Variants in EBF1 observed in about 807,000 individuals in gnomAD.
EBF1 encodes transcription factor COE1.
EBF1 carries 10 observed loss-of-function variants against 68.4 expected under a neutral mutation model. The observed-to-expected ratio is 0.15, with a 90% confidence interval of 0.09 to 0.25. The LOEUF is 0.25. EBF1 is among the 10% of genes least tolerant of loss of function. The pLI is 1.00. For missense variants in EBF1, 509 were observed against 794.4 expected (o/e 0.64, Z 4.32); for synonymous variants, 298 against 299.8 (o/e 0.99, Z 0.06).
chr5:158,787,992 AAC>A (rs1777800798), intron 9 of EBF1, among the ~76,000 whole-genome samples: 1 of 152,106 alleles, frequency 6.6e-6, no homozygotes, highest in Admixed American at 6.6e-5. Context: ...TGTCAACTAC[AAC>A]AGTTGCTATT....
chr5:158,900,479 T>C (rs567968607), intron 6 of EBF1, among the ~76,000 whole-genome samples: 1 of 152,338 alleles, frequency 6.6e-6, no homozygotes, highest in South Asian at 2.1e-4. Flanking sequence ...GCAGTTCTGA[T>C]TTGGTAACGA....
At chr5:159,049,378 G>A (rs62385432) in intron 6 of EBF1, among the ~76,000 whole-genome samples, 5,603 of 152,224 alleles carry the variant, frequency 0.037, 146 homozygotes, top group Non-Finnish European at 0.053. Flanking sequence ...GAGCTTGTGA[G>A]ATTCTTAAAA....
At position 158,746,092 on chromosome 5, in the gene EBF1, C is replaced by T. The variant is rs117279913; in HGVS notation, c.1037-14935G>A. 5.1e-4 allele frequency among the ~76,000 whole-genome samples: 77 copies of T among 152,184 alleles called. No individual in the cohort carries two copies. The East Asian group carries it at 0.014, about 27-fold the overall frequency. ...GTTATTTCCAGCTTGGGGGAAGACT[C>T]GTGGTTAATATTTCTGTTTAGCTTG... On this transcript the variant is annotated intron_variant, in intron 10 of 15. Transcript: ENST00000313708.
At chr5:158,731,767 C>A (rs1297754798) in intron 10 of EBF1, among the ~76,000 whole-genome samples, 2 of 152,160 alleles carry the variant, frequency 1.3e-5, no homozygotes, top group African/African-American at 4.8e-5. Context: ...AATGATAGAT[C>A]CTTTCACCAA....
At chr5:159,097,283 C>A (rs550527893) in intron 1 of EBF1, among the ~76,000 whole-genome samples, 153 bp from the exon 2 acceptor site, 153 of 152,372 alleles carry the variant, frequency 1.0e-3, no homozygotes, top group African/African-American at 3.6e-3. Flanking sequence ...GCGACATAGA[C>A]CCAGCTGACA....
At chr5:159,099,300 C>A (rs753131262) in intron 1 of EBF1, 45 bp downstream of exon 1, 13 of 1,427,868 alleles carry the variant, frequency 9.1e-6, no homozygotes, top group African/African-American at 1.5e-5. Context: ...TCCCGGCTCT[C>A]CCGCTCGCGG....
chr5:158,966,047 C>T (rs1387238936), intron 6 of EBF1, among the ~76,000 whole-genome samples: 2 of 152,138 alleles, frequency 1.3e-5, no homozygotes, highest in Non-Finnish European at 2.9e-5. Flanking sequence ...CACAGGAAAC[C>T]TTGAGTAAGG....
chr5:159,033,759 C>T (rs939494606), intron 6 of EBF1, among the ~76,000 whole-genome samples: 9 of 152,148 alleles, frequency 5.9e-5, no homozygotes, highest in African/African-American at 2.2e-4. Context: ...GATAAAATTC[C>T]ATCATATTTT....
intron 6 of EBF1, among the ~76,000 whole-genome samples, chr5:158,911,139 T>C (rs150000392): frequency 6.6e-6 from 1 of 152,284 alleles, no homozygotes; most frequent in African/African-American, 2.4e-5. Context: ...AAAACTTCCC[T>C]CAACGAGTCG....
At chr5:158,733,490 A>G (rs1307287071) in intron 10 of EBF1, among the ~76,000 whole-genome samples, 1 of 152,158 alleles carries the variant, frequency 6.6e-6, no homozygotes, top group Admixed American at 6.5e-5. Context: ...CAGAGGAATG[A>G]CCGACAATAT....
intron 6 of EBF1, among the ~76,000 whole-genome samples, chr5:158,986,182 C>T (rs910244899): frequency 7.9e-5 from 12 of 152,234 alleles, no homozygotes; most frequent in African/African-American, 2.7e-4. Context: ...TTCTGTCCTT[C>T]TCTCTCTGGT....
chr5:158,808,395 C>T (rs754836638), intron 8 of EBF1, among the ~76,000 whole-genome samples: 3 of 152,126 alleles, frequency 2.0e-5, no homozygotes, highest in African/African-American at 7.2e-5. Context: ...TCCTCAAATA[C>T]CAGCTTTCAA....
At chr5:159,022,924 A>C (rs1304743927) in intron 6 of EBF1, among the ~76,000 whole-genome samples, 2 of 152,226 alleles carry the variant, frequency 1.3e-5, no homozygotes, top group Non-Finnish European at 1.5e-5. Context: ...CTTTTAAAAA[A>C]ATATTGTAAA....
intron 9 of EBF1, among the ~76,000 whole-genome samples, chr5:158,793,180 A>C (rs1778984327): frequency 6.6e-6 from 1 of 152,196 alleles, no homozygotes; most frequent in African/African-American, 2.4e-5. Context: ...TGAGAATCCC[A>C]CAAGAGCACT....
intron 1 of EBF1, 151 bp downstream of exon 1, chr5:159,099,194 G>A: frequency 3.9e-6 from 2 of 512,452 alleles, no homozygotes; most frequent in Non-Finnish European, 2.9e-6. Context: ...GCTGGAGAGC[G>A]CGGAGCCCCG....
At chr5:158,940,892 T>G (rs959048681) in intron 6 of EBF1, among the ~76,000 whole-genome samples, 1 of 151,740 alleles carries the variant, frequency 6.6e-6, no homozygotes, top group African/African-American at 2.4e-5. Flanking sequence ...GGCCTGTATA[T>G]GAATTGAAAC....
In EBF1 at chr5:158,803,715, G is replaced by A. The variant is rs568047223; in HGVS notation, c.779-7240C>T. ...ATTTGACAGTTTCCTCATGCAAGGT[G>A]TAGCAGCCTTTATAACACTTATGCT... is the stretch of plus-strand genomic sequence containing the variant. On this transcript the variant is annotated intron_variant, in intron 8 of 15. Transcript: ENST00000313708. 2.0e-5 allele frequency among the ~76,000 whole-genome samples: 3 copies of A among 151,938 alleles called. No homozygotes were observed. In the South Asian group the frequency reaches 6.2e-4, roughly 31 times the overall value.
intron 15 of EBF1, among the ~76,000 whole-genome samples, chr5:158,707,323 T>C (rs1199825039): frequency 6.6e-6 from 1 of 152,226 alleles, no homozygotes; most frequent in Non-Finnish European, 1.5e-5. Flanking sequence ...TCATCTCAAC[T>C]CTTAGCAACT....
chr5:158,821,410 G>C (rs186191974), intron 8 of EBF1, among the ~76,000 whole-genome samples: 1 of 152,116 alleles, frequency 6.6e-6, no homozygotes, highest in South Asian at 2.1e-4. Context: ...GGGATAATTT[G>C]CCTGGTGTCA....
Sources: gnomAD v4.1 joint callset for allele counts (sites outside exome capture counted in the v4.1 genomes callset) on GRCh38, gnomAD v4.1.1 for gene constraint, MANE v1.5 for transcripts, NCBI Gene and HGNC (gene_info 2026-07-23, HGNC 2026-07-21) for gene names.